DLGAP5: variants seen among roughly 807,000 people sequenced by gnomAD.
DLGAP5 encodes disks large-associated protein 5.
In DLGAP5, 90 loss-of-function variants were observed where a neutral mutation model predicts 99.6. The ratio of observed to expected loss-of-function variants is 0.90; its 90% CI spans 0.76 to 1.08. The LOEUF (loss-of-function observed/expected upper bound fraction) is 1.08. DLGAP5 is among the 50% of genes least tolerant of loss of function. The pLI, the probability that DLGAP5 is intolerant of heterozygous loss-of-function variation, is 0.00. For synonymous variants in DLGAP5, 311 were observed against 321.3 expected, an observed-to-expected ratio of 0.97 and a Z score of 0.34; for missense variants, 1,036 against 983.5, an observed-to-expected ratio of 1.05 and a Z score of -0.71.
At chr14:55,158,876 A>G in intron 13 of DLGAP5, 135 bp from the exon 14 acceptor site, 1 of 656,830 alleles carries the variant, frequency 1.5e-6, no homozygotes, top group Non-Finnish European at 2.5e-6. Flanking sequence ...CATTCATCAT[A>G]TATTTATCAA....
At position 55,188,922 on chromosome 14, in the gene DLGAP5, T is replaced by C. The variant is rs1275087379; in HGVS notation, c.238+20A>G. 1 of 1,592,592 alleles carries C rather than the reference T, an allele frequency of 6.3e-7. No homozygotes were observed. The highest frequency in any genetic ancestry group is 8.6e-7 in the Non-Finnish European group (1 of 1,165,624). On this transcript the variant is annotated intron_variant, in intron 2 of 18. Transcript: ENST00000247191. ...ATTCACTCTTCAAAGTACTTAAAAT[T>C]ACAACAGACCTTTACTTACTTGGCT...
At chr14:55,152,834 A>G (rs113337641) in intron 15 of DLGAP5, among the ~76,000 whole-genome samples, 187 bp from the exon 16 acceptor site, 4 of 152,324 alleles carry the variant, frequency 2.6e-5, no homozygotes, top group African/African-American at 7.2e-5. Flanking sequence ...TGGCCTTACA[A>G]ACTAAATGCA....
intron 8 of DLGAP5, among the ~76,000 whole-genome samples, chr14:55,176,283 T>A (rs576985441): frequency 3.9e-5 from 6 of 152,298 alleles, no homozygotes; most frequent in African/African-American, 1.4e-4. Context: ...TGCTGAGCAG[T>A]TTTTAGTATA....
intron 10 of DLGAP5, among the ~76,000 whole-genome samples, chr14:55,173,472 A>T (rs1882940650): frequency 6.6e-6 from 1 of 152,118 alleles, no homozygotes; most frequent in South Asian, 2.1e-4. Flanking sequence ...AAGTATATTT[A>T]TAATAGAACA....
Position 55,162,953 on chromosome 14 carries a change from T to TA in DLGAP5, c.1653+17dup, listed in dbSNP as rs752806634. 1.4e-6 allele frequency: 2 copies of TA among 1,443,126 alleles called. No individual in the cohort carries two copies. Among genetic ancestry groups the TA allele is most frequent in the Admixed American group, 4.4e-5 (2 of 45,560 alleles). 89.4% of individuals were successfully genotyped at this position (1,443,126 alleles called of 1,614,324 possible). On this transcript the variant is annotated intron_variant, in intron 13 of 18. Coordinates refer to ENST00000247191, the MANE Select transcript of DLGAP5 (RefSeq NM_014750.5). ...TAACTAAAAAAAAAAAAATTGGATATAAAACCCACAAACTTACCCTAAAGA... is the reference window on the plus strand; with the variant it reads ...TAACTAAAAAAAAAAAAATTGGATATAAAAACCCACAAACTTACCCTAAAGA...
intron 2 of DLGAP5, among the ~76,000 whole-genome samples, chr14:55,184,290 G>A (rs527791351): frequency 5.3e-5 from 8 of 152,232 alleles, no homozygotes; most frequent in South Asian, 2.1e-4. Flanking sequence ...AGACCTCTCC[G>A]CACAAAGGGA....
At chr14:55,172,712 G>C (rs557618287) in intron 10 of DLGAP5, among the ~76,000 whole-genome samples, 1 of 152,032 alleles carries the variant, frequency 6.6e-6, no homozygotes, top group Non-Finnish European at 1.5e-5. Context: ...GGTCGGGCAC[G>C]GTGGCTCTCG....
intron 12 of DLGAP5, among the ~76,000 whole-genome samples, chr14:55,164,437 T>C (rs546244776): frequency 6.6e-6 from 1 of 152,238 alleles, no homozygotes; most frequent in African/African-American, 2.4e-5. Context: ...GGAAAATTGG[T>C]TATCCATAAG....
At chr14:55,150,052 CAAAAA>C (rs559049001) in intron 18 of DLGAP5, among the ~76,000 whole-genome samples, 1 of 93,318 alleles carries the variant, frequency 1.1e-5, no homozygotes, top group Non-Finnish European at 2.5e-5. Flanking sequence ...AACTCTGTCT[CAAAAA>C]AAAAAAAAAA....
chr14:55,175,902 C>G lies in DLGAP5; in HGVS notation c.1166G>C (p.Trp389Ser). The change falls in exon 9 of 19, where the codon TGG (tryptophan) becomes TCG (serine). Residue 389 changes from tryptophan to serine, a missense_variant. By Grantham distance (177) the Trp-to-Ser change is radical. Coordinates refer to ENST00000247191, the MANE Select transcript of DLGAP5 (RefSeq NM_014750.5). ...LPCPLGPLTV[W>S]HEEHVLNKNE... Reference sequence around the variant, plus strand: ...TTAATTAAATACTATACCTTCATGCCAAACAGTTAGAGGACCCAAAGGACA... The same window carrying G: ...TTAATTAAATACTATACCTTCATGCGAAACAGTTAGAGGACCCAAAGGACA... The G allele has an allele frequency of 6.3e-7, 1 of 1,591,708 alleles. No homozygotes were observed. Among genetic ancestry groups the G allele is most frequent in the Non-Finnish European group, 8.6e-7 (1 of 1,167,494 alleles).
chr14:55,174,839 C>T (rs916828555), intron 10 of DLGAP5, among the ~76,000 whole-genome samples: 5 of 152,066 alleles, frequency 3.3e-5, no homozygotes, highest in African/African-American at 1.2e-4. Context: ...TACAGGCGTG[C>T]ACCACCACGC....
At chr14:55,173,587 G>GTCTCTC (rs10658555) in intron 10 of DLGAP5, among the ~76,000 whole-genome samples, 9,328 of 147,862 alleles carry the variant, frequency 0.063, 333 homozygotes, top group South Asian at 0.097. Context: ...GATATATGTT[G>GTCTCTC]TCTCTCTCTC....
chr14:55,185,097 G>A (rs2139533506), intron 2 of DLGAP5, among the ~76,000 whole-genome samples: 1 of 152,254 alleles, frequency 6.6e-6, no homozygotes, highest in Non-Finnish European at 1.5e-5. Flanking sequence ...CAAGCATGCG[G>A]TAATTTCTCC....
In DLGAP5 at chr14:55,151,889, C is replaced by T; in HGVS notation, c.2174G>A (p.Ser725Asn). The T allele has an allele frequency of 1.2e-6, 2 of 1,613,956 alleles. No individual in the cohort carries two copies. The highest frequency in any genetic ancestry group is 1.7e-6 in the Non-Finnish European group (2 of 1,179,918). ...TACTCCACCAGCAAGAAGAGGCAAA[C>T]TCATTCTCTCACTGGATAAACAATC... is the stretch of plus-strand genomic sequence containing the variant. ...KVDCLSSERM[S>N]LPLLAGGVAD... The change falls in exon 17 of 19, where the codon AGT (serine) becomes AAT (asparagine). Residue 725 changes from serine to asparagine, a missense_variant. Coordinates refer to ENST00000247191, the MANE Select transcript of DLGAP5 (RefSeq NM_014750.5).
At chr14:55,181,473 C>CA (rs1264526521) in intron 4 of DLGAP5, among the ~76,000 whole-genome samples, 176 bp from the exon 5 acceptor site, 1 of 152,056 alleles carries the variant, frequency 6.6e-6, no homozygotes, top group Non-Finnish European at 1.5e-5. Flanking sequence ...ATTAAGCTTC[C>CA]AAAAAAGCTT....
chr14:55,182,145 G>A (rs1173006445), intron 4 of DLGAP5, among the ~76,000 whole-genome samples: 1 of 152,162 alleles, frequency 6.6e-6, no homozygotes, highest in Non-Finnish European at 1.5e-5. Context: ...CAAAACAAGA[G>A]TGTGACACAA....
chr14:55,180,705 T>C lies in DLGAP5; in HGVS notation c.654A>G (p.Arg218=), dbSNP rs752248030. Residue 218 remains arginine (R), a synonymous_variant, in exon 6 of 19, where the codon AGA becomes AGG. Coordinates refer to ENST00000247191, the MANE Select transcript of DLGAP5 (RefSeq NM_014750.5). ...TTCTTGCTGTGGTAGATGAGACTGT[T>C]CTGGGAACCTGCTTTGCTGCTTGAG... is the stretch of plus-strand genomic sequence containing the variant. The part of the protein sequence containing the change: ...SATQAAKQVP[R]TVSSTTARKP... 5 of 1,614,158 alleles carry C rather than the reference T, an allele frequency of 3.1e-6. No individual in the cohort carries two copies. The highest frequency in any genetic ancestry group is 4.2e-6 in the Non-Finnish European group (5 of 1,179,998).
In DLGAP5 at chr14:55,189,172, G is replaced by A. The variant is rs1471033629; in HGVS notation, c.8C>T (p.Ser3Leu). Residue 3 changes from serine to leucine, a missense_variant, in exon 2 of 19, where the codon TCA (serine) becomes TTA (leucine). By Grantham distance (145) the Ser-to-Leu change is moderately radical (BLOSUM62 -2). Coordinates refer to ENST00000247191, the MANE Select transcript of DLGAP5 (RefSeq NM_014750.5). MS[S>L]SHFASRHRKD... ...CCTGTGTCGACTGGCAAAATGTGAT[G>A]AAGACATCCTGTCAAGGAAAAGGAC... 6.2e-7 allele frequency: 1 copy of A among 1,611,812 alleles called. No homozygotes were observed. Among genetic ancestry groups the A allele is most frequent in the African/African-American group, 1.3e-5 (1 of 75,002 alleles).
At chr14:55,168,969 G>A (rs1014160705) in intron 12 of DLGAP5, among the ~76,000 whole-genome samples, 1 of 152,018 alleles carries the variant, frequency 6.6e-6, no homozygotes, top group African/African-American at 2.4e-5. Flanking sequence ...GAGGTCAGAA[G>A]ATCGAGACCA....
Sources: gnomAD v4.1 joint callset for allele counts (sites outside exome capture counted in the v4.1 genomes callset) on GRCh38, gnomAD v4.1.1 for gene constraint, MANE v1.5 for transcripts, NCBI Gene and HGNC (gene_info 2026-07-23, HGNC 2026-07-21) for gene names.